ARMC7: variants seen among roughly 807,000 people sequenced by gnomAD.
ARMC7 encodes armadillo repeat containing 7.
In ARMC7, 9 loss-of-function variants were observed where a neutral mutation model predicts 14.8. The observed-to-expected ratio is 0.61, with a 90% CI of 0.37 to 1.06. The LOEUF (loss-of-function observed/expected upper bound fraction) is 1.06. Ranked by LOEUF, ARMC7 falls within the 50% of genes least tolerant of loss-of-function variation. The pLI, the probability that ARMC7 is intolerant of heterozygous loss-of-function variation, is 0.01. For synonymous variants in ARMC7, 125 were observed against 123.4 expected (o/e 1.01, Z -0.09); for missense variants, 262 against 267.1 (o/e 0.98, Z 0.13).
intron 2 of ARMC7, among the ~76,000 whole-genome samples, chr17:75,123,356 C>CT (rs1210962657): frequency 0.059 from 7,689 of 131,046 alleles, 726 homozygotes; most frequent in African/African-American, 0.2. Flanking sequence ...CCTTTGAAGA[C>CT]TTTTTTTTTT....
chr17:75,123,554 C>T (rs529224945), intron 2 of ARMC7, among the ~76,000 whole-genome samples: 90 of 151,940 alleles, frequency 5.9e-4, no homozygotes, highest in African/African-American at 2.1e-3. Context: ...GGAGTTTCAC[C>T]GTGTTAGCCA....
At position 75,110,321 on chromosome 17, in the gene ARMC7, C is replaced by T. The variant is rs748531608; in HGVS notation, c.33C>T (p.Val11=). Residue 11 remains valine, a synonymous_variant, in exon 1 of 3, where the codon GTC becomes GTT. Coordinates refer to ENST00000245543, the MANE Select transcript of ARMC7 (RefSeq NM_024585.4). Reference sequence around the variant, plus strand: ...AGAAGCCGAAGGTGGACCCCCACGTCGGGCGGCTGGGATACCTGCAGGCGC... The same window carrying T: ...AGAAGCCGAAGGTGGACCCCCACGTTGGGCGGCTGGGATACCTGCAGGCGC... The part of the protein sequence containing the change: MAQKPKVDPH[V]GRLGYLQALV... 11 of 1,613,542 alleles carry T rather than the reference C, an allele frequency of 6.8e-6. No individual in the cohort carries two copies. Among genetic ancestry groups the T allele is most frequent in the Non-Finnish European group, 9.3e-6 (11 of 1,180,012 alleles).
chr17:75,113,718 G>A (rs2073950521), intron 2 of ARMC7, among the ~76,000 whole-genome samples: 1 of 152,220 alleles, frequency 6.6e-6, no homozygotes, highest in Non-Finnish European at 1.5e-5. Context: ...CTCTAAAGAG[G>A]AGAGGAGATT....
intron 2 of ARMC7, among the ~76,000 whole-genome samples, chr17:75,118,477 G>A (rs1321882564): frequency 6.6e-6 from 1 of 152,138 alleles, no homozygotes; most frequent in Admixed American, 6.5e-5. Flanking sequence ...GTCTCTGTGT[G>A]GCGGTCTCTT....
chr17:75,128,597 C>T (rs2291028), intron 2 of ARMC7, 80 bp from the exon 3 acceptor site: 924,627 of 1,527,010 alleles, frequency 0.61, 292,757 homozygotes, highest in Non-Finnish European at 0.65. Context: ...AGCCTGGGCC[C>T]CTACCTGGGG....
At chr17:75,126,371 C>A (rs2074051346) in intron 2 of ARMC7, among the ~76,000 whole-genome samples, 1 of 152,156 alleles carries the variant, frequency 6.6e-6, no homozygotes, top group Non-Finnish European at 1.5e-5. Context: ...GTTCTTTGAT[C>A]CAGAACCACT....
chr17:75,129,031 A>C lies in ARMC7; in HGVS notation c.590A>C (p.Gln197Pro). The C allele has an allele frequency of 6.3e-7, 1 of 1,596,142 alleles. No homozygotes were observed. Among genetic ancestry groups the C allele is most frequent in the Non-Finnish European group, 8.5e-7 (1 of 1,178,112 alleles). ...CTGCCGAGGAGCGTGGCCCCACGGC[A>C]GCGCTGATCCATGGAGACTGCGAGA... is the stretch of plus-strand genomic sequence containing the variant. ...IPLPRSVAPRQR is the reference protein window; with the variant it reads ...IPLPRSVAPRPR The change falls in exon 3 of 3, where the codon CAG becomes CCG. Residue 197 changes from glutamine (Q) to proline (P), a missense_variant. Physicochemically the swap from Gln to Pro is moderately conservative, Grantham distance 76 (BLOSUM62 -1). Transcript: ENST00000245543.
chr17:75,119,155 C>CTGGTACAA (rs1465289036), intron 2 of ARMC7, among the ~76,000 whole-genome samples: 1 of 152,122 alleles, frequency 6.6e-6, no homozygotes, highest in Non-Finnish European at 1.5e-5. Flanking sequence ...CACTGGTACA[C>CTGGTACAA]TGGTACACTG....
In ARMC7 at chr17:75,129,402, T is replaced by C. The variant is rs1027349253; in HGVS notation, c.*364T>C. 2 of 285,618 alleles carry C rather than the reference T, an allele frequency of 7.0e-6. No homozygotes were observed. Among genetic ancestry groups the C allele is most frequent in the Non-Finnish European group, 1.3e-5 (2 of 152,658 alleles). The allele number at this position is 285,618 out of a possible 1,614,324, so 17.7% of individuals were successfully genotyped here. A position where few individuals can be genotyped will look rare whatever the true frequency, so the allele number is the denominator to read the frequency against. On this transcript the variant is annotated 3_prime_UTR_variant, in exon 3 of 3. Coordinates refer to ENST00000245543, the MANE Select transcript of ARMC7 (RefSeq NM_024585.4). ...GGGCCTGAGGCTTAGGAGAGCTGCC[T>C]TCGCTGCAGGAAATCAGGGATTATC...
rs1203061827 is a variant in ARMC7, at chr17:75,110,292, G to A, written c.4G>A (p.Ala2Thr). 6.2e-7 allele frequency: 1 copy of A among 1,610,778 alleles called. No homozygotes were observed. The highest frequency in any genetic ancestry group is 8.5e-7 in the Non-Finnish European group (1 of 1,179,704). ...GGGGTCCTCCGTCACCGCGGCCATG[G>A]CCCAGAAGCCGAAGGTGGACCCCCA... M[A>T]QKPKVDPHVG... Residue 2 changes from alanine to threonine, a missense_variant, in exon 1 of 3, where the codon GCC (alanine) becomes ACC (threonine). Coordinates refer to ENST00000245543, the MANE Select transcript of ARMC7 (RefSeq NM_024585.4).
chr17:75,116,976 G>A (rs1168282616), intron 2 of ARMC7, among the ~76,000 whole-genome samples: 1 of 152,172 alleles, frequency 6.6e-6, no homozygotes, highest in Non-Finnish European at 1.5e-5. Context: ...TCTGAGGGCT[G>A]GAAGCTGGAT....
At chr17:75,126,492 A>G in intron 2 of ARMC7, among the ~76,000 whole-genome samples, 1 of 152,218 alleles carries the variant, frequency 6.6e-6, no homozygotes, top group East Asian at 1.9e-4. Context: ...GTCAAATGGT[A>G]CACTCCTTAC....
chr17:75,114,696 CCTCCTTTTTTT>C (rs2073960672), intron 2 of ARMC7: 4 of 398,278 alleles, frequency 1.0e-5, no homozygotes, highest in Non-Finnish European at 1.3e-5. Context: ...CCATTTTTTT[CCTCCTTTTTTT>C]CTCTTCCTTC....
chr17:75,127,799 C>A (rs1283540113), intron 2 of ARMC7, among the ~76,000 whole-genome samples: 1 of 152,134 alleles, frequency 6.6e-6, no homozygotes, highest in African/African-American at 2.4e-5. Flanking sequence ...TTTGCCATGT[C>A]GCCAAGGCTG....
Position 75,129,093 on chromosome 17 carries a change from T to G in ARMC7, c.*55T>G, listed in dbSNP as rs540237353. 192 of 1,538,588 alleles carry G rather than the reference T, an allele frequency of 1.2e-4. 1 individual carries two copies. In the African/African-American group the frequency reaches 2.4e-3, roughly 19 times the overall value. On this transcript the variant is annotated 3_prime_UTR_variant, in exon 3 of 3. Transcript: ENST00000245543. ...CTACTGCTGGAGACCACAGTCCTGATGTGGACGCAGGGAACGGGGAGCACA... is the reference window on the plus strand; with the variant it reads ...CTACTGCTGGAGACCACAGTCCTGAGGTGGACGCAGGGAACGGGGAGCACA...
intron 2 of ARMC7, among the ~76,000 whole-genome samples, chr17:75,127,527 G>C (rs1462003298): frequency 1.3e-5 from 2 of 152,194 alleles, no homozygotes; most frequent in Admixed American, 1.3e-4. Flanking sequence ...TGGAACTCCT[G>C]ACCTCAGGGT....
chr17:75,114,646 G>T (rs1445699945), intron 2 of ARMC7: 1 of 397,606 alleles, frequency 2.5e-6, no homozygotes, highest in African/African-American at 2.1e-5. Context: ...AGGTATTTTA[G>T]AATTGTTAGG....
chr17:75,122,939 G>A (rs1015805437), intron 2 of ARMC7, among the ~76,000 whole-genome samples: 6 of 152,114 alleles, frequency 3.9e-5, no homozygotes, highest in Middle Eastern at 3.4e-3. Context: ...GCGTCTTAGC[G>A]GGCCTATCTT....
Position 75,110,599 on chromosome 17 carries a change from T to C in ARMC7, c.228T>C (p.Phe76=). 3 of 1,614,186 alleles carry C rather than the reference T, an allele frequency of 1.9e-6. No individual in the cohort carries two copies. The highest frequency in any genetic ancestry group is 2.5e-6 in the Non-Finnish European group (3 of 1,180,034). The change falls in exon 2 of 3, where the codon TTT becomes TTC. Residue 76 remains phenylalanine (F), a synonymous_variant. Coordinates refer to ENST00000245543, the MANE Select transcript of ARMC7 (RefSeq NM_024585.4). The part of the protein sequence containing the change: ...LSEENETLVE[F]AIGGLCNLCP... Reference sequence around the variant, plus strand: ...AGGAGAATGAGACCCTGGTGGAGTTTGCTATTGGTAAGGGCGGGGCCCGTT... The same window carrying C: ...AGGAGAATGAGACCCTGGTGGAGTTCGCTATTGGTAAGGGCGGGGCCCGTT...
Sources: gnomAD v4.1 joint callset for allele counts (sites outside exome capture counted in the v4.1 genomes callset) on GRCh38, gnomAD v4.1.1 for gene constraint, MANE v1.5 for transcripts, NCBI Gene and HGNC (gene_info 2026-07-23, HGNC 2026-07-21) for gene names.